NRXN3: variants seen among roughly 807,000 people sequenced by gnomAD.
NRXN3 encodes neurexin III.
A neutral mutation model predicts 137.6 loss-of-function variants in NRXN3; 32 were observed. That is an observed-to-expected ratio of 0.23 (90% CI 0.18 to 0.31). The LOEUF (loss-of-function observed/expected upper bound fraction) is 0.31, where lower values mean the gene tolerates loss of function less well. Among genes scored for constraint, NRXN3 ranks in the 10% least tolerant of loss-of-function variants. The pLI, the probability that NRXN3 is intolerant of heterozygous loss-of-function variation, is 1.00. For missense variants in NRXN3, 1,574 were observed against 2,062.5 expected, an observed-to-expected ratio of 0.76 and a Z score of 4.59; for synonymous variants, 798 against 784.5, an observed-to-expected ratio of 1.02 and a Z score of -0.29.
chr14:78,854,763 A>C, intron 10 of NRXN3, among the ~76,000 whole-genome samples: 1 of 152,092 alleles, frequency 6.6e-6, no homozygotes, highest in East Asian at 1.9e-4. Context: ...CATTAGTTAG[A>C]ATGGGAAATA....
intron 11 of NRXN3, among the ~76,000 whole-genome samples, chr14:78,965,193 C>T (rs895944250): frequency 7.9e-5 from 12 of 152,094 alleles, no homozygotes; most frequent in South Asian, 6.2e-4. Context: ...TGAGTGTGGC[C>T]GGGATGGCTT....
chr14:79,467,117 C>T lies in NRXN3; in HGVS notation c.3263-104C>T. The T allele has an allele frequency of 2.7e-6, 3 of 1,121,936 alleles. No individual in the cohort carries two copies. In the South Asian group the frequency reaches 6.0e-5, roughly 22 times the overall value. 69.5% of individuals were successfully genotyped at this position (1,121,936 alleles called of 1,614,324 possible). A position where few individuals can be genotyped will look rare whatever the true frequency, so the allele number is the denominator to read the frequency against. On this transcript the variant is annotated intron_variant, in intron 15 of 20. Transcript: ENST00000335750. ...TAACCAAATACTGTCCCATGGGGGA[C>T]ATTTCCTCTCTGCAGCTGTTCTGTG...
chr14:79,419,623 G>A (rs1393674202), intron 15 of NRXN3, among the ~76,000 whole-genome samples: 1 of 152,104 alleles, frequency 6.6e-6, no homozygotes, highest in African/African-American at 2.4e-5. Flanking sequence ...GAGAGAGAAA[G>A]GGAGGGGAGA....
intron 4 of NRXN3, among the ~76,000 whole-genome samples, chr14:78,429,972 G>T (rs955086054): frequency 6.6e-6 from 1 of 152,224 alleles, no homozygotes; most frequent in Non-Finnish European, 1.5e-5. Context: ...GGTGGGTCAT[G>T]CCTGTAATCC....
chr14:78,676,245 AG>A (rs1289991032), intron 6 of NRXN3, among the ~76,000 whole-genome samples: 3 of 152,224 alleles, frequency 2.0e-5, no homozygotes, highest in African/African-American at 7.2e-5. Flanking sequence ...AAGTTAAGAT[AG>A]GCTGAAAGCT....
chr14:78,996,437 T>C (rs1400652360), intron 15 of NRXN3, among the ~76,000 whole-genome samples: 3 of 152,222 alleles, frequency 2.0e-5, no homozygotes, highest in Admixed American at 1.3e-4. Flanking sequence ...ATCTTCTTAA[T>C]GCCTCAGGGA....
At chr14:79,378,380 C>T (rs2094367256) in intron 15 of NRXN3, among the ~76,000 whole-genome samples, 1 of 152,182 alleles carries the variant, frequency 6.6e-6, no homozygotes, top group Admixed American at 6.5e-5. Flanking sequence ...GGGATGACCA[C>T]CGTGGGATCC....
intron 9 of NRXN3, among the ~76,000 whole-genome samples, chr14:78,809,910 G>C (rs1482152597): frequency 6.6e-6 from 1 of 151,864 alleles, no homozygotes; most frequent in East Asian, 1.9e-4. Flanking sequence ...GAGGAAAATA[G>C]AATATAACCT....
At chr14:79,556,779 C>A (rs2097433895) in intron 16 of NRXN3, among the ~76,000 whole-genome samples, 1 of 152,252 alleles carries the variant, frequency 6.6e-6, no homozygotes, top group South Asian at 2.1e-4. Flanking sequence ...TGGTCTCAAA[C>A]TTCTGGGCTC....
chr14:79,034,172 A>C (rs1016453184), intron 15 of NRXN3, among the ~76,000 whole-genome samples: 3 of 151,960 alleles, frequency 2.0e-5, no homozygotes, highest in African/African-American at 7.3e-5. Flanking sequence ...CTAAAGCCAA[A>C]GTTTGTACTG....
chr14:78,965,928 C>A (rs2152993827), intron 11 of NRXN3, 97 bp from the exon 12 acceptor site: 2 of 1,329,006 alleles, frequency 1.5e-6, no homozygotes, highest in East Asian at 4.6e-5. Context: ...GCTGAATATT[C>A]TGTGTGGAAA....
intron 15 of NRXN3, among the ~76,000 whole-genome samples, chr14:79,464,533 T>G (rs1017672416): frequency 6.6e-6 from 1 of 152,184 alleles, no homozygotes; most frequent in Non-Finnish European, 1.5e-5. Flanking sequence ...GGATTGTGGA[T>G]GAAAACTACA....
chr14:79,395,077 A>C (rs141403633), intron 15 of NRXN3, among the ~76,000 whole-genome samples: 1 of 152,214 alleles, frequency 6.6e-6, no homozygotes, highest in African/African-American at 2.4e-5. Flanking sequence ...AGTACTCACA[A>C]AGGGAGCCAG....
chr14:78,258,137 G>A (rs2069984748), intron 2 of NRXN3, among the ~76,000 whole-genome samples: 1 of 152,220 alleles, frequency 6.6e-6, no homozygotes, highest in Admixed American at 6.5e-5. Context: ...GGACTATTAT[G>A]AGGTTTAAAT....
At chr14:78,940,594 G>A (rs1356096323) in intron 10 of NRXN3, among the ~76,000 whole-genome samples, 1 of 152,148 alleles carries the variant, frequency 6.6e-6, no homozygotes, top group Non-Finnish European at 1.5e-5. Flanking sequence ...GAGTTGTTGA[G>A]TTAATGAGTA....
At chr14:79,831,778 T>C (rs2099324580) in intron 20 of NRXN3, among the ~76,000 whole-genome samples, 1 of 152,172 alleles carries the variant, frequency 6.6e-6, no homozygotes, top group Admixed American at 6.5e-5. Flanking sequence ...CAGATTGCAT[T>C]AAGCACTTTA....
At chr14:78,412,297 A>G (rs1317945430) in intron 4 of NRXN3, among the ~76,000 whole-genome samples, 1 of 152,186 alleles carries the variant, frequency 6.6e-6, no homozygotes, top group Non-Finnish European at 1.5e-5. Context: ...AGCAACCATA[A>G]CATTCAACAT....
intron 4 of NRXN3, among the ~76,000 whole-genome samples, chr14:78,485,049 G>A (rs1275062621): frequency 2.0e-5 from 3 of 152,126 alleles, no homozygotes; most frequent in Admixed American, 6.6e-5. Context: ...TCCTGTCTAT[G>A]TTACTGTGTC....
At chr14:79,826,272 C>T (rs2099300618) in intron 20 of NRXN3, among the ~76,000 whole-genome samples, 1 of 152,166 alleles carries the variant, frequency 6.6e-6, no homozygotes, top group Admixed American at 6.5e-5. Context: ...AGATTACAGG[C>T]ATGAGCCGCT....
Sources: allele counts gnomAD v4.1 joint callset (sites outside exome capture counted in the v4.1 genomes callset), GRCh38; gene constraint gnomAD v4.1.1; transcripts MANE v1.5; gene names NCBI Gene and HGNC (gene_info 2026-07-23, HGNC 2026-07-21).